The following FAM118B variants were observed in gnomAD, a reference collection of about 807,000 sequenced individuals.
FAM118B encodes SIR2 antiphage like 1, also known as protein FAM118B.
A neutral mutation model predicts 38.5 loss-of-function variants in FAM118B; 24 were observed. The ratio of observed to expected loss-of-function variants is 0.62; its 90% CI spans 0.45 to 0.88. FAM118B has a LOEUF of 0.88. Ranked by LOEUF, FAM118B falls within the 40% of genes least tolerant of loss-of-function variation. FAM118B has a pLI of 0.00. For synonymous variants in FAM118B, 138 were observed against 156.3 expected, an observed-to-expected ratio of 0.88 and a Z score of 0.87; for missense variants, 334 against 420.0, an observed-to-expected ratio of 0.80 and a Z score of 1.79.
intron 3 of FAM118B, among the ~76,000 whole-genome samples, chr11:126,238,424 T>C (rs1202123776): frequency 6.6e-6 from 1 of 152,122 alleles, no homozygotes; most frequent in Admixed American, 6.6e-5. Context: ...TGTCAGAATC[T>C]GCAGGTTTTT....
At chr11:126,213,032 TC>T (rs1273775411) in intron 1 of FAM118B, among the ~76,000 whole-genome samples, 1 of 152,140 alleles carries the variant, frequency 6.6e-6, no homozygotes, top group African/African-American at 2.4e-5. Context: ...TCTGGTCTTT[TC>T]CCCCTACACT....
intron 4 of FAM118B, among the ~76,000 whole-genome samples, chr11:126,242,228 A>G (rs1277401848): frequency 3.3e-5 from 5 of 152,146 alleles, no homozygotes; most frequent in Admixed American, 3.3e-4. Flanking sequence ...GCAAAAAACT[A>G]AAGTAAAAAA....
At chr11:126,238,913 G>T (rs1215477439) in intron 3 of FAM118B, among the ~76,000 whole-genome samples, 1 of 149,648 alleles carries the variant, frequency 6.7e-6, no homozygotes, top group Non-Finnish European at 1.5e-5. Flanking sequence ...TTATTTGGTG[G>T]TTTACAAAGA....
chr11:126,261,397 A>G (rs1436507538), intron 7 of FAM118B, 28 bp from the exon 8 acceptor site: 1 of 1,604,450 alleles, frequency 6.2e-7, no homozygotes, highest in Admixed American at 1.7e-5. Context: ...TTTCAGTCTA[A>G]TGTCTGATGC....
intron 4 of FAM118B, among the ~76,000 whole-genome samples, chr11:126,248,358 C>T (rs1385524093): frequency 5.7e-3 from 211 of 36,906 alleles, no homozygotes; most frequent in South Asian, 0.016. Flanking sequence ...TAGTAGTTGA[C>T]TTTTTTTTTT....
Position 126,262,343 on chromosome 11 carries a change from G to A in FAM118B, c.*210G>A. 3 of 394,214 alleles carry A rather than the reference G, an allele frequency of 7.6e-6. No individual in the cohort carries two copies. The highest frequency in any genetic ancestry group is 9.6e-6 in the Non-Finnish European group (2 of 208,626). 24.4% of individuals were successfully genotyped at this position (394,214 alleles called of 1,614,324 possible). On this transcript the variant is annotated 3_prime_UTR_variant, in exon 9 of 9. Coordinates refer to ENST00000533050, the MANE Select transcript of FAM118B (RefSeq NM_024556.4). Reference sequence around the variant, plus strand: ...TATTCTGCCGCCTGTTCAAGTTCAAGAATAAAAGCGACAGCAGGACCCAAA... The same window carrying A: ...TATTCTGCCGCCTGTTCAAGTTCAAAAATAAAAGCGACAGCAGGACCCAAA...
rs770522646 is a variant in FAM118B, at chr11:126,262,625, G to T, written c.*492G>T. Reference sequence around the variant, plus strand: ...GTACAGTATTTTACATAACTAAGCTGTATTAAAAGCTTGTTCATTTACTTG... The same window carrying T: ...GTACAGTATTTTACATAACTAAGCTTTATTAAAAGCTTGTTCATTTACTTG... On this transcript the variant is annotated 3_prime_UTR_variant, in exon 9 of 9. Coordinates refer to ENST00000533050, the MANE Select transcript of FAM118B (RefSeq NM_024556.4). The T allele has an allele frequency of 3.1e-4, 48 of 154,162 alleles. No homozygotes were observed. Among genetic ancestry groups the T allele is most frequent in the Non-Finnish European group, 6.6e-4 (46 of 69,178 alleles). 9.5% of individuals were successfully genotyped at this position (154,162 alleles called of 1,614,324 possible).
chr11:126,224,040 AGTTT>A (rs1713710097), intron 1 of FAM118B, among the ~76,000 whole-genome samples: 1 of 152,174 alleles, frequency 6.6e-6, no homozygotes, highest in South Asian at 2.1e-4. Flanking sequence ...CGTTTGAGTT[AGTTT>A]GTGAAATAAA....
At chr11:126,218,973 G>A (rs990376481) in intron 1 of FAM118B, among the ~76,000 whole-genome samples, 13 of 152,142 alleles carry the variant, frequency 8.5e-5, no homozygotes, top group Admixed American at 3.9e-4. Flanking sequence ...GGATTTGGGG[G>A]TGGAGAAAAT....
chr11:126,212,583 G>A (rs190257329), intron 1 of FAM118B, among the ~76,000 whole-genome samples: 87 of 152,316 alleles, frequency 5.7e-4, no homozygotes, highest in Admixed American at 1.1e-3. Context: ...CATTTGTTAA[G>A]AGGAAAGCTT....
chr11:126,231,800 G>A (rs1468652963), intron 2 of FAM118B, among the ~76,000 whole-genome samples: 4 of 152,176 alleles, frequency 2.6e-5, no homozygotes, highest in South Asian at 2.1e-4. Flanking sequence ...ACGATCTTAC[G>A]TAATTTCCAG....
Position 126,256,626 on chromosome 11 carries a change from T to C in FAM118B, c.756T>C (p.Thr252=), listed in dbSNP as rs1046581686. The change falls in exon 7 of 9, where the codon ACT becomes ACC. Residue 252 remains threonine (T), a synonymous_variant. Coordinates refer to ENST00000533050, the MANE Select transcript of FAM118B (RefSeq NM_024556.4). The surrounding 1 kb of genome is among the most constrained non-coding windows in gnomAD (Gnocchi z 6.6). ...TTCTTTTCCTGGGCTGTGGCTGGAC[T>C]GTGGATGACACCACTTTCCAGGCCC... ...KSFLFLGCGW[T]VDDTTFQALF... The C allele has an allele frequency of 4.3e-6, 7 of 1,614,186 alleles. No homozygotes were observed. The highest frequency in any genetic ancestry group is 1.6e-4 in the Middle Eastern group (1 of 6,062).
chr11:126,236,427 A>G (rs1356487038), intron 3 of FAM118B, among the ~76,000 whole-genome samples: 1 of 151,898 alleles, frequency 6.6e-6, no homozygotes, highest in Non-Finnish European at 1.5e-5. Context: ...TCTGATTCCC[A>G]ATCCTTTGTA....
In FAM118B at chr11:126,241,138, A is replaced by G. The variant is rs1413708032; in HGVS notation, c.339+94A>G. ...TTGGCTGTCAAAACTAGCATGCCAAATGTAACAGGGATATTCATTTACAGC... is the reference window on the plus strand; with the variant it reads ...TTGGCTGTCAAAACTAGCATGCCAAGTGTAACAGGGATATTCATTTACAGC... On this transcript the variant is annotated intron_variant, in intron 4 of 8. Coordinates refer to ENST00000533050, the MANE Select transcript of FAM118B (RefSeq NM_024556.4). 4 of 1,278,304 alleles carry G rather than the reference A, an allele frequency of 3.1e-6. No homozygotes were observed. The Admixed American group carries it at 9.2e-5, about 29-fold the overall frequency. 79.2% of individuals were successfully genotyped at this position (1,278,304 alleles called of 1,614,324 possible).
chr11:126,241,764 G>A (rs748420895), intron 4 of FAM118B, among the ~76,000 whole-genome samples: 20 of 152,002 alleles, frequency 1.3e-4, no homozygotes, highest in Non-Finnish European at 2.5e-4. Flanking sequence ...TGGTCAAGCT[G>A]GTCTCGAACT....
chr11:126,237,325 A>G (rs1330589840), intron 3 of FAM118B, among the ~76,000 whole-genome samples: 7 of 146,722 alleles, frequency 4.8e-5, no homozygotes, highest in Non-Finnish European at 1.0e-4. Context: ...GGTTCAAGCA[A>G]TTCTCCTGCC....
At chr11:126,237,251 C>T (rs1334268525) in intron 3 of FAM118B, among the ~76,000 whole-genome samples, 3 of 87,886 alleles carry the variant, frequency 3.4e-5, no homozygotes, top group African/African-American at 4.6e-5. Flanking sequence ...GATGGAGTCT[C>T]GCTCTGTTGC....
At chr11:126,237,410 A>AT (rs200672763) in intron 3 of FAM118B, among the ~76,000 whole-genome samples, 15,546 of 144,798 alleles carry the variant, frequency 0.11, 1,097 homozygotes, top group Non-Finnish European at 0.15. Flanking sequence ...TTATTTATTT[A>AT]TTTTTTAAAT....
At position 126,226,099 on chromosome 11, in the gene FAM118B, A is replaced by G. The variant is rs12794789; in HGVS notation, c.-76-3126A>G. On this transcript the variant is annotated intron_variant, in intron 1 of 8. Coordinates refer to ENST00000533050, the MANE Select transcript of FAM118B (RefSeq NM_024556.4). Reference sequence around the variant, plus strand: ...GCAAGTTCCTATCACTGTGAGTTAGAAAGGCCAGAAAGGAACGTGGCGCAA... The same window carrying G: ...GCAAGTTCCTATCACTGTGAGTTAGGAAGGCCAGAAAGGAACGTGGCGCAA... 3.5e-3 allele frequency among the ~76,000 whole-genome samples: 432 copies of G among 124,446 alleles called. No individual in the cohort carries two copies. The Middle Eastern group carries it at 0.038, about 11-fold the overall frequency. The allele number at this position is 124,446 out of a possible 152,430, so 81.6% of individuals were successfully genotyped here. A position where few individuals can be genotyped will look rare whatever the true frequency, so the allele number is the denominator to read the frequency against.
Sources: gnomAD v4.1 joint callset for allele counts (sites outside exome capture counted in the v4.1 genomes callset) on GRCh38, gnomAD v4.1.1 for gene constraint, Gnocchi (gnomAD v3.1) non-coding constraint, MANE v1.5 for transcripts, NCBI Gene and HGNC (gene_info 2026-07-23, HGNC 2026-07-21) for gene names.